DIP2C: variants seen among roughly 807,000 people sequenced by gnomAD.
DIP2C encodes disco-interacting protein 2 homolog C.
DIP2C carries 33 observed loss-of-function variants against 192.4 expected under a neutral mutation model. The observed-to-expected ratio is 0.17, with a 90% confidence interval of 0.13 to 0.23. The LOEUF (loss-of-function observed/expected upper bound fraction) is 0.23, where lower values mean the gene tolerates loss of function less well. Ranked by LOEUF, DIP2C falls within the 10% of genes least tolerant of loss-of-function variation. The pLI is 1.00. For synonymous variants in DIP2C, 979 were observed against 864.1 expected, an observed-to-expected ratio of 1.13 and a Z score of -2.33; for missense variants, 1,537 against 2,110.1, an observed-to-expected ratio of 0.73 and a Z score of 5.32.
chr10:583,793 A>G (rs1408280334), intron 1 of DIP2C, among the ~76,000 whole-genome samples: 3 of 152,222 alleles, frequency 2.0e-5, no homozygotes, highest in Non-Finnish European at 2.9e-5. Flanking sequence ...CGATCGCTCC[A>G]AAACAAAAAC....
In DIP2C at chr10:415,537, G is replaced by T. The variant is rs559156459; in HGVS notation, c.859+232C>A. Among the ~76,000 whole-genome samples the T allele has an allele frequency of 2.6e-5, 4 of 152,094 alleles. No individual in the cohort carries two copies. In the South Asian group the frequency reaches 8.3e-4, roughly 32 times the overall value. Reference sequence around the variant, plus strand: ...AGTTCTTAGAGAGAGACCTGACCTGGGTCACAGAACAAAATCAACTCCCAC... The same window carrying T: ...AGTTCTTAGAGAGAGACCTGACCTGTGTCACAGAACAAAATCAACTCCCAC... On this transcript the variant is annotated intron_variant, in intron 7 of 36. Transcript: ENST00000280886.
intron 1 of DIP2C, among the ~76,000 whole-genome samples, chr10:513,758 T>C (rs1846177699): frequency 6.6e-6 from 1 of 152,222 alleles, no homozygotes; most frequent in Admixed American, 6.5e-5. Flanking sequence ...CTCACGATTG[T>C]AACTGGTAGA....
chr10:408,821 A>G (rs1964990681), intron 9 of DIP2C, 105 bp downstream of exon 9: 1 of 1,101,778 alleles, frequency 9.1e-7, no homozygotes, highest in Admixed American at 2.5e-5. Flanking sequence ...TTGCTTTCCA[A>G]TAGAAAGTGG....
At chr10:285,179 C>T (rs1955040396) in intron 34 of DIP2C, among the ~76,000 whole-genome samples, 1 of 145,960 alleles carries the variant, frequency 6.9e-6, no homozygotes, top group Non-Finnish European at 1.5e-5. Flanking sequence ...AAACACAAGG[C>T]CCAAGAAGCA....
chr10:393,911 T>C (rs1963723305), intron 10 of DIP2C, among the ~76,000 whole-genome samples: 2 of 141,868 alleles, frequency 1.4e-5, no homozygotes, highest in Admixed American at 1.4e-4. Context: ...AGAGGAAAAA[T>C]ACCCGTTGAT....
rs980043795 is a variant in DIP2C at position 650,725 on chromosome 10, C to T, written c.85+38769G>A. The T allele has an allele frequency of 4.3e-5, 27 of 634,372 alleles. No individual in the cohort carries two copies. The African/African-American group carries it at 4.6e-4, about 11-fold the overall frequency. 39.3% of individuals were successfully genotyped at this position (634,372 alleles called of 1,614,324 possible). A position where few individuals can be genotyped will look rare whatever the true frequency, so the allele number is the denominator to read the frequency against. On this transcript the variant is annotated intron_variant, in intron 1 of 36. Coordinates refer to ENST00000280886, the MANE Select transcript of DIP2C (RefSeq NM_014974.3). ...GGCTTCTGGCCAGAGTGCTCTGGGC[C>T]GACCCCCCCTCATGCTCACTTCCCT...
intron 4 of DIP2C, among the ~76,000 whole-genome samples, chr10:438,219 C>T (rs7077209): frequency 0.62 from 94,826 of 152,100 alleles, 30,462 homozygotes; most frequent in African/African-American, 0.79. Flanking sequence ...CCAGTAACAT[C>T]TCTCAGTGGT....
At chr10:590,373 G>A (rs1304229424) in intron 1 of DIP2C, among the ~76,000 whole-genome samples, 1 of 152,222 alleles carries the variant, frequency 6.6e-6, no homozygotes, top group African/African-American at 2.4e-5. Context: ...CTTGGCTCTG[G>A]AAAGGCTAAA....
intron 1 of DIP2C, among the ~76,000 whole-genome samples, chr10:534,373 G>A (rs1847579395): frequency 6.6e-6 from 1 of 152,234 alleles, no homozygotes; most frequent in Admixed American, 6.5e-5. Context: ...GAGGGAAGCA[G>A]CCTGGGTCCC....
At chr10:485,720 T>C (rs1564775555) in intron 2 of DIP2C, among the ~76,000 whole-genome samples, 1 of 152,198 alleles carries the variant, frequency 6.6e-6, no homozygotes, top group Non-Finnish European at 1.5e-5. Context: ...ACTATGCAAG[T>C]TCAATTTCCA....
chr10:350,526 A>G (rs1958740063), intron 24 of DIP2C, among the ~76,000 whole-genome samples: 1 of 151,848 alleles, frequency 6.6e-6, no homozygotes, highest in Admixed American at 6.6e-5. Context: ...TCTCACAGCT[A>G]TTAACAGGGT....
At chr10:462,837 C>G (rs1373797324) in intron 3 of DIP2C, among the ~76,000 whole-genome samples, 1 of 152,178 alleles carries the variant, frequency 6.6e-6, no homozygotes, top group Non-Finnish European at 1.5e-5. Flanking sequence ...TAGGCTTCAT[C>G]CCTGGGATGC....
At chr10:631,451 C>A (rs1159744965) in intron 1 of DIP2C, among the ~76,000 whole-genome samples, 1 of 152,232 alleles carries the variant, frequency 6.6e-6, no homozygotes, top group African/African-American at 2.4e-5. Flanking sequence ...TGTCCTGTGG[C>A]CCTGTGGCCA....
intron 2 of DIP2C, among the ~76,000 whole-genome samples, chr10:475,626 A>G (rs1246292483): frequency 1.3e-5 from 2 of 152,106 alleles, no homozygotes; most frequent in African/African-American, 4.8e-5. Context: ...GTGGAAATGT[A>G]AAGTTTGCAA....
At chr10:638,672 C>T (rs1323665448) in intron 1 of DIP2C, among the ~76,000 whole-genome samples, 1 of 152,354 alleles carries the variant, frequency 6.6e-6, no homozygotes, top group African/African-American at 2.4e-5. Flanking sequence ...CCCCTCTCCC[C>T]TTACCTCCCA....
chr10:627,324 C>A (rs999192428), intron 1 of DIP2C, among the ~76,000 whole-genome samples: 10 of 152,380 alleles, frequency 6.6e-5, no homozygotes, highest in Non-Finnish European at 1.5e-4. Flanking sequence ...TCCAAAACCC[C>A]CCATCAGCAT....
intron 2 of DIP2C, among the ~76,000 whole-genome samples, chr10:474,370 A>G (rs1970892763): frequency 6.6e-6 from 1 of 152,162 alleles, no homozygotes; most frequent in Non-Finnish European, 1.5e-5. Context: ...CTTGGCTTAC[A>G]ATGTACCTAT....
At chr10:437,086 T>C (rs78953334) in intron 4 of DIP2C, among the ~76,000 whole-genome samples, 4,444 of 123,068 alleles carry the variant, frequency 0.036, 170 homozygotes, top group African/African-American at 0.086. Flanking sequence ...GAGCTCTCTC[T>C]GAGCTCCACC....
At chr10:574,772 T>C (rs1487131953) in intron 1 of DIP2C, among the ~76,000 whole-genome samples, 1 of 152,168 alleles carries the variant, frequency 6.6e-6, no homozygotes, top group Admixed American at 6.5e-5. Context: ...TGCCACTATC[T>C]TCAATGTGCT....
Sources: allele counts gnomAD v4.1 joint callset (sites outside exome capture counted in the v4.1 genomes callset), GRCh38; gene constraint gnomAD v4.1.1; transcripts MANE v1.5; gene names NCBI Gene and HGNC (gene_info 2026-07-23, HGNC 2026-07-21).